Variants in DPP10 observed in about 807,000 individuals in gnomAD.
DPP10 encodes the protein inactive dipeptidyl peptidase 10.
In DPP10, 33 loss-of-function variants were observed where a neutral mutation model predicts 120.9. The observed-to-expected ratio is 0.27, with a 90% CI of 0.21 to 0.37. The LOEUF (loss-of-function observed/expected upper bound fraction) is 0.37. Among genes scored for constraint, DPP10 ranks in the 10% least tolerant of loss-of-function variants. DPP10 has a pLI of 1.00. For synonymous variants in DPP10, 337 were observed against 326.1 expected, an observed-to-expected ratio of 1.03 and a Z score of -0.36; for missense variants, 816 against 942.8, an observed-to-expected ratio of 0.87 and a Z score of 1.76.
intron 3 of DPP10, among the ~76,000 whole-genome samples, chr2:115,369,300 C>G (rs1427629025): frequency 1.3e-5 from 2 of 151,942 alleles, no homozygotes; most frequent in African/African-American, 4.8e-5. Context: ...ATAAACAAGT[C>G]TATATATTCA....
intron 5 of DPP10, among the ~76,000 whole-genome samples, chr2:115,549,372 C>T (rs2079731938): frequency 6.6e-6 from 1 of 152,138 alleles, no homozygotes; most frequent in Non-Finnish European, 1.5e-5. Context: ...GTTAACTGCA[C>T]TCACTCACAG....
At chr2:114,480,500 C>G (rs10174659) in intron 1 of DPP10, among the ~76,000 whole-genome samples, 14,899 of 151,886 alleles carry the variant, frequency 0.098, 2,439 homozygotes, top group African/African-American at 0.34. Context: ...ATGTGACACA[C>G]ATACACCATG....
chr2:114,929,592 A>G (rs1358302200), intron 1 of DPP10, among the ~76,000 whole-genome samples: 1 of 152,224 alleles, frequency 6.6e-6, no homozygotes, highest in Non-Finnish European at 1.5e-5. Flanking sequence ...CCCCATAGGC[A>G]GTCAGACCTT....
chr2:115,119,807 G>A (rs2049727103), intron 1 of DPP10, among the ~76,000 whole-genome samples: 2 of 152,152 alleles, frequency 1.3e-5, no homozygotes, highest in African/African-American at 4.8e-5. Flanking sequence ...GGCAAGAGGA[G>A]ACAAATTGGG....
chr2:115,610,017 T>C (rs1024291268), intron 5 of DPP10, among the ~76,000 whole-genome samples: 11 of 152,286 alleles, frequency 7.2e-5, no homozygotes, highest in Admixed American at 7.2e-4. Flanking sequence ...AAACATTAAG[T>C]ATTTATTATC....
intron 1 of DPP10, among the ~76,000 whole-genome samples, chr2:114,476,361 G>A (rs115936690): frequency 0.011 from 1,600 of 152,096 alleles, 22 homozygotes; most frequent in African/African-American, 0.037. Flanking sequence ...TACAAAGTAG[G>A]CAAGGAAAAA....
chr2:114,533,244 A>G (rs1015531546), intron 1 of DPP10, among the ~76,000 whole-genome samples: 1 of 152,190 alleles, frequency 6.6e-6, no homozygotes, highest in Non-Finnish European at 1.5e-5. Context: ...TCCTTCTGAT[A>G]TAACATTTTA....
chr2:114,460,470 T>A (rs148471230), intron 1 of DPP10, among the ~76,000 whole-genome samples: 1 of 152,096 alleles, frequency 6.6e-6, no homozygotes, highest in Non-Finnish European at 1.5e-5. Flanking sequence ...TCTGAGTATA[T>A]GATTTAGATG....
intron 3 of DPP10, among the ~76,000 whole-genome samples, chr2:115,447,194 C>T (rs1188658130): frequency 6.6e-6 from 1 of 152,204 alleles, no homozygotes; most frequent in Non-Finnish European, 1.5e-5. Flanking sequence ...GGATTTTGGA[C>T]TAGGATGGGG....
chr2:114,890,807 G>A (rs917921482), intron 1 of DPP10, among the ~76,000 whole-genome samples: 1 of 152,010 alleles, frequency 6.6e-6, no homozygotes, highest in African/African-American at 2.4e-5. Flanking sequence ...ACGGTAGCAG[G>A]GTACAATATA....
chr2:114,588,777 G>A (rs142672418), intron 1 of DPP10, among the ~76,000 whole-genome samples: 22 of 152,250 alleles, frequency 1.4e-4, no homozygotes, highest in African/African-American at 4.6e-4. Context: ...TTGGTGCAGT[G>A]GTTGAGTGCA....
intron 1 of DPP10, among the ~76,000 whole-genome samples, chr2:114,575,048 G>T (rs1689952423): frequency 6.6e-6 from 1 of 152,132 alleles, no homozygotes; most frequent in South Asian, 2.1e-4. Flanking sequence ...GAATAAAGAT[G>T]AAAAATGCAT....
intron 1 of DPP10, among the ~76,000 whole-genome samples, chr2:114,449,851 A>G (rs1678158931): frequency 6.6e-6 from 1 of 152,198 alleles, no homozygotes; most frequent in Admixed American, 6.6e-5. Flanking sequence ...AATTATTATT[A>G]ACTATAATGA....
intron 1 of DPP10, among the ~76,000 whole-genome samples, chr2:114,906,036 T>G (rs78147227): frequency 0.053 from 8,126 of 152,280 alleles, 312 homozygotes; most frequent in Middle Eastern, 0.11. Flanking sequence ...TATTTTATTT[T>G]CTTGCCTAAT....
At chr2:115,181,613 C>T (rs1573918815) in intron 1 of DPP10, among the ~76,000 whole-genome samples, 1 of 152,146 alleles carries the variant, frequency 6.6e-6, no homozygotes, top group Admixed American at 6.5e-5. Flanking sequence ...GAAAAAAACC[C>T]CTGCAGATCT....
At chr2:115,660,246 C>CT (rs1246565417) in intron 5 of DPP10, among the ~76,000 whole-genome samples, 1 of 152,096 alleles carries the variant, frequency 6.6e-6, no homozygotes, top group Non-Finnish European at 1.5e-5. Flanking sequence ...ATTGTTGCTC[C>CT]TTTTTTTCCC....
At chr2:115,799,255 G>A (rs17045013) in intron 19 of DPP10, among the ~76,000 whole-genome samples, 2,771 of 151,688 alleles carry the variant, frequency 0.018, 88 homozygotes, top group African/African-American at 0.062. Flanking sequence ...TGTCATACAA[G>A]ATAAATCTAT....
chr2:115,540,150 GC>G (rs2079093532), intron 5 of DPP10, among the ~76,000 whole-genome samples: 1 of 151,684 alleles, frequency 6.6e-6, no homozygotes, highest in Non-Finnish European at 1.5e-5. Context: ...AATGACCAAG[GC>G]TTTATGGTCA....
At chr2:115,198,698 C>A (rs1015347335) in intron 1 of DPP10, among the ~76,000 whole-genome samples, 1 of 152,128 alleles carries the variant, frequency 6.6e-6, no homozygotes, top group Non-Finnish European at 1.5e-5. Flanking sequence ...TCTCTCTGCT[C>A]ATCCCCCCAG....
Sources: gnomAD v4.1 joint callset for allele counts (sites outside exome capture counted in the v4.1 genomes callset) on GRCh38, gnomAD v4.1.1 for gene constraint, MANE v1.5 for transcripts, NCBI Gene and HGNC (gene_info 2026-07-23, HGNC 2026-07-21) for gene names.